The following PTPRN2 variants were observed in gnomAD, a reference collection of about 807,000 sequenced individuals.
The protein encoded by PTPRN2 is protein tyrosine phosphatase receptor type N2.
PTPRN2 carries 74 observed loss-of-function variants against 118.8 expected under a neutral mutation model. That is an observed-to-expected ratio of 0.62 (90% CI 0.52 to 0.76). PTPRN2 has a LOEUF of 0.76. Ranked by LOEUF, PTPRN2 falls within the 30% of genes least tolerant of loss-of-function variation. The pLI is 0.00. For missense variants in PTPRN2, 1,481 were observed against 1,394.4 expected, an observed-to-expected ratio of 1.06 and a Z score of -0.99; for synonymous variants, 641 against 608.0, an observed-to-expected ratio of 1.05 and a Z score of -0.80.
rs753632462 is a variant in PTPRN2, at chr7:158,096,551, A to C, written c.1643+14278T>G. ...GGCCTTCCCTTGTTGTCTCATCTTAAAGACGGGACGGGGAGTTTTGACGTA... is the reference window on the plus strand; with the variant it reads ...GGCCTTCCCTTGTTGTCTCATCTTACAGACGGGACGGGGAGTTTTGACGTA... On this transcript the variant is annotated intron_variant, in intron 10 of 22. Transcript: ENST00000389418. Among the ~76,000 whole-genome samples the C allele has an allele frequency of 1.6e-3, 246 of 152,354 alleles. 2 individuals carry two copies. Among genetic ancestry groups the C allele is most frequent in the Non-Finnish European group, 1.9e-3 (129 of 68,046 alleles).
At chr7:157,938,500 C>A (rs1405488706) in intron 11 of PTPRN2, among the ~76,000 whole-genome samples, 2 of 152,210 alleles carry the variant, frequency 1.3e-5, no homozygotes, top group African/African-American at 4.8e-5. Context: ...GACCACTGCC[C>A]ACCCTCTGCA....
intron 2 of PTPRN2, among the ~76,000 whole-genome samples, chr7:158,341,173 C>T (rs1586384332): frequency 6.6e-6 from 1 of 150,854 alleles, no homozygotes; most frequent in African/African-American, 2.5e-5. Context: ...AGACGTCACT[C>T]ACACCCACAC....
intron 9 of PTPRN2, among the ~76,000 whole-genome samples, chr7:158,131,405 C>T (rs928249473): frequency 7.9e-5 from 10 of 126,440 alleles, no homozygotes; most frequent in African/African-American, 2.4e-4. Flanking sequence ...TATATACAAA[C>T]CAATACACAT....
At chr7:158,148,014 C>CT in intron 6 of PTPRN2, among the ~76,000 whole-genome samples, 1 of 10,160 alleles carries the variant, frequency 9.8e-5, no homozygotes, top group African/African-American at 5.2e-4. Flanking sequence ...GTCTTTCCCC[C>CT]TCAATGACAC....
chr7:158,048,709 C>T (rs111772823), intron 11 of PTPRN2, among the ~76,000 whole-genome samples: 19 of 150,388 alleles, frequency 1.3e-4, no homozygotes, highest in African/African-American at 3.9e-4. Context: ...CCACCATCAC[C>T]ATCACCATCA....
chr7:158,269,951 CAGAGAG>C (rs1176865687), intron 3 of PTPRN2, among the ~76,000 whole-genome samples: 1 of 152,040 alleles, frequency 6.6e-6, no homozygotes, highest in African/African-American at 2.4e-5. Flanking sequence ...CACAGGGAGA[CAGAGAG>C]AAAGAATCAG....
At chr7:157,834,636 C>T (rs1253551762) in intron 12 of PTPRN2, among the ~76,000 whole-genome samples, 4 of 152,280 alleles carry the variant, frequency 2.6e-5, no homozygotes, top group Non-Finnish European at 4.4e-5. Flanking sequence ...GGCGAGCGGG[C>T]GGCTCCAGAC....
intron 10 of PTPRN2, among the ~76,000 whole-genome samples, chr7:158,101,596 C>T (rs759964225): frequency 1.3e-5 from 2 of 152,220 alleles, no homozygotes. Context: ...TTCCAGTCAT[C>T]TAGCCCAAAC....
At chr7:158,316,971 T>A in intron 2 of PTPRN2, 39 bp from the exon 3 acceptor site, 1 of 1,488,320 alleles carries the variant, frequency 6.7e-7, no homozygotes, top group East Asian at 2.3e-5. Context: ...ACGAGACGTT[T>A]CATTTTCAGA....
At chr7:158,103,134 C>T (rs752143190) in intron 10 of PTPRN2, among the ~76,000 whole-genome samples, 4 of 152,208 alleles carry the variant, frequency 2.6e-5, no homozygotes, top group Non-Finnish European at 5.9e-5. Context: ...TCATTGGCTG[C>T]AGTCAGTGTG....
intron 12 of PTPRN2, among the ~76,000 whole-genome samples, chr7:157,841,105 C>T (rs1033991547): frequency 7.9e-5 from 12 of 152,244 alleles, no homozygotes; most frequent in East Asian, 3.9e-4. Context: ...CAGAGGCGGT[C>T]GCAGAGCTGC....
chr7:158,081,350 T>G lies in PTPRN2; in HGVS notation c.1671A>C (p.Lys557Asn). Reference sequence around the variant, plus strand: ...TCACGTTTTGGACATTGGCGCTCACTTTGAAGGTCACTGCTGGTCCGAGAA... The same window carrying G: ...TCACGTTTTGGACATTGGCGCTCACGTTGAAGGTCACTGCTGGTCCGAGAA... ...VEVLGPAVTFKVSANVQNVTT... is the reference protein window; with the variant it reads ...VEVLGPAVTFNVSANVQNVTT... Residue 557 changes from lysine (K) to asparagine (N), a missense_variant, in exon 11 of 23, where the codon AAA becomes AAC. This residue lies in a region of PTPRN2 where 1,115 missense variants were observed against 994.2 expected (regional missense o/e 1.12). Transcript: ENST00000389418. The G allele has an allele frequency of 6.2e-7, 1 of 1,614,210 alleles. No homozygotes were observed. Among genetic ancestry groups the G allele is most frequent in the Non-Finnish European group, 8.5e-7 (1 of 1,180,032 alleles).
In PTPRN2 at chr7:158,517,845, G is replaced by A. The variant is rs901097769; in HGVS notation, c.113-28060C>T. Reference sequence around the variant, plus strand: ...CTTCGTCACACATCCCACACACCCCGGTTTGTTCCCACCAGGCCTTCACTA... The same window carrying A: ...CTTCGTCACACATCCCACACACCCCAGTTTGTTCCCACCAGGCCTTCACTA... On this transcript the variant is annotated intron_variant, in intron 1 of 22. Coordinates refer to ENST00000389418, the MANE Select transcript of PTPRN2 (RefSeq NM_002847.5). This position sits in a 1 kb window ranked among gnomAD's most constrained non-coding sequence, Gnocchi z 5.3. Among the ~76,000 whole-genome samples, 10 of 152,092 alleles carry A rather than the reference G, an allele frequency of 6.6e-5. No individual in the cohort carries two copies. The South Asian group carries it at 1.0e-3, about 16-fold the overall frequency.
At chr7:158,253,410 C>T (rs1051241224) in intron 3 of PTPRN2, among the ~76,000 whole-genome samples, 1 of 152,202 alleles carries the variant, frequency 6.6e-6, no homozygotes, top group Non-Finnish European at 1.5e-5. Context: ...TTTTATGCTG[C>T]ATTTCGTAGA....
chr7:158,052,898 C>T lies in PTPRN2; in HGVS notation c.1723+28400G>A, dbSNP rs955156456. Among the ~76,000 whole-genome samples the T allele has an allele frequency of 3.4e-4, 52 of 152,300 alleles. 1 individual carries two copies. Among genetic ancestry groups the T allele is most frequent in the Admixed American group, 3.2e-3 (49 of 15,308 alleles). Reference sequence around the variant, plus strand: ...GCTGTCCCCAGCCTAGGACAAAGCTCCCTGGGCTACAGGGACAGCCCTCCC... The same window carrying T: ...GCTGTCCCCAGCCTAGGACAAAGCTTCCTGGGCTACAGGGACAGCCCTCCC... On this transcript the variant is annotated intron_variant, in intron 11 of 22. Transcript: ENST00000389418.
chr7:157,642,824 A>AAAAAAAC (rs1804762889), intron 14 of PTPRN2, among the ~76,000 whole-genome samples: 1 of 137,518 alleles, frequency 7.3e-6, no homozygotes, highest in Non-Finnish European at 1.5e-5. Flanking sequence ...CAAAAAAAAA[A>AAAAAAAC]AAAAAAAAAA....
At chr7:158,501,877 C>G (rs1258982881) in intron 1 of PTPRN2, among the ~76,000 whole-genome samples, 2 of 152,200 alleles carry the variant, frequency 1.3e-5, no homozygotes, top group Non-Finnish European at 2.9e-5. Context: ...GCCTGAGCCA[C>G]CAGCACCGCG....
In PTPRN2 at chr7:158,127,720, G is replaced by A. The variant is rs193138878; in HGVS notation, c.1556+5957C>T. 9.8e-5 allele frequency among the ~76,000 whole-genome samples: 15 copies of A among 152,306 alleles called. 1 individual carries two copies. The East Asian group carries it at 1.5e-3, about 16-fold the overall frequency. ...AGAGAGAGGCATGTGTGTGTGAGCC[G>A]TGGTCTCTGAAGCTCTTGCCTCTGG... On this transcript the variant is annotated intron_variant, in intron 9 of 22. Transcript: ENST00000389418.
chr7:158,115,392 G>C (rs1816650477), intron 9 of PTPRN2, among the ~76,000 whole-genome samples: 1 of 152,140 alleles, frequency 6.6e-6, no homozygotes, highest in South Asian at 2.1e-4. Flanking sequence ...CTGTGAGTGA[G>C]AAAGGTGGGC....
Sources: allele counts gnomAD v4.1 joint callset (sites outside exome capture counted in the v4.1 genomes callset), GRCh38; gene constraint gnomAD v4.1.1; regional missense constraint gnomAD v4.1.1; non-coding constraint Gnocchi (gnomAD v3.1); transcripts MANE v1.5; gene names NCBI Gene and HGNC (gene_info 2026-07-23, HGNC 2026-07-21).